ARMH1: variants seen among roughly 807,000 people sequenced by gnomAD.
The protein encoded by ARMH1 is armadillo-like helical domain containing protein 1.
A neutral mutation model predicts 50.2 loss-of-function variants in ARMH1; 34 were observed. The ratio of observed to expected loss-of-function variants is 0.68; its 90% CI spans 0.51 to 0.90. The LOEUF is 0.90. Ranked by LOEUF, ARMH1 falls within the 40% of genes least tolerant of loss-of-function variation. The probability of loss-of-function intolerance (pLI) is 0.00; values close to 1 mark genes in which losing one functional copy is unlikely to be tolerated. For missense variants in ARMH1, 538 were observed against 553.9 expected (o/e 0.97, Z 0.29); for synonymous variants, 221 against 224.2 (o/e 0.99, Z 0.13).
intron 6 of ARMH1, among the ~76,000 whole-genome samples, chr1:44,715,072 T>C (rs1239219567): frequency 6.6e-6 from 1 of 152,088 alleles, no homozygotes; most frequent in Non-Finnish European, 1.5e-5. Context: ...CAGTGCAACA[T>C]GCTAAACACG....
chr1:44,710,608 CAAAAAAAA>C (rs56731047), intron 6 of ARMH1, among the ~76,000 whole-genome samples: 2 of 92,898 alleles, frequency 2.2e-5, no homozygotes, highest in Admixed American at 1.2e-4. Context: ...GACTCCGTCT[CAAAAAAAA>C]AAAAAAAAAA....
At chr1:44,712,007 C>T (rs546184990) in intron 6 of ARMH1, among the ~76,000 whole-genome samples, 1 of 152,338 alleles carries the variant, frequency 6.6e-6, no homozygotes, top group African/African-American at 2.4e-5. Context: ...AGTCTGCCTC[C>T]TGCGCCCATC....
intron 1 of ARMH1, among the ~76,000 whole-genome samples, chr1:44,680,532 C>T (rs1163491718): frequency 1.3e-5 from 2 of 152,146 alleles, no homozygotes; most frequent in Admixed American, 6.5e-5. Context: ...ATCCAGTAGG[C>T]CACAGTGAGC....
At chr1:44,678,284 G>C (rs1388857663) in intron 1 of ARMH1, among the ~76,000 whole-genome samples, 2 of 152,018 alleles carry the variant, frequency 1.3e-5, no homozygotes, top group African/African-American at 4.8e-5. Flanking sequence ...GAAGAGTGGG[G>C]GCTGTGGGTA....
At chr1:44,677,310 C>T (rs1185349118) in intron 1 of ARMH1, among the ~76,000 whole-genome samples, 4 of 152,138 alleles carry the variant, frequency 2.6e-5, no homozygotes, top group Non-Finnish European at 5.9e-5. Flanking sequence ...ATGCATTTTT[C>T]CCTCAACAAC....
At chr1:44,694,650 C>T (rs1385182139) in intron 2 of ARMH1, among the ~76,000 whole-genome samples, 1 of 151,772 alleles carries the variant, frequency 6.6e-6, no homozygotes, top group African/African-American at 2.4e-5. Context: ...GCTGGGATTA[C>T]AGGCATGCAC....
At chr1:44,699,806 A>G (rs1488253451) in intron 4 of ARMH1, among the ~76,000 whole-genome samples, 1 of 147,908 alleles carries the variant, frequency 6.8e-6, no homozygotes. Context: ...CATCCCCCAC[A>G]TCTCCCTTTT....
chr1:44,721,436 G>A (rs958432063), intron 6 of ARMH1, among the ~76,000 whole-genome samples: 6 of 151,816 alleles, frequency 4.0e-5, no homozygotes, highest in African/African-American at 1.2e-4. Flanking sequence ...CTATAAATTG[G>A]AACTAGCACA....
chr1:44,698,278 A>G, intron 4 of ARMH1, 49 bp downstream of exon 4: 1 of 1,475,414 alleles, frequency 6.8e-7, no homozygotes, highest in South Asian at 1.4e-5. Flanking sequence ...CCTGAATGAC[A>G]TGGTGGCAGA....
intron 2 of ARMH1, among the ~76,000 whole-genome samples, chr1:44,695,777 CA>C (rs1286242035): frequency 1.3e-5 from 2 of 151,620 alleles, no homozygotes. Context: ...CCTGTCTCTA[CA>C]AAAAATACAG....
intron 6 of ARMH1, chr1:44,721,890 G>GT (rs1276179070): frequency 6.6e-6 from 1 of 152,050 alleles, no homozygotes; most frequent in African/African-American, 2.4e-5. Context: ...GTTATGAAGA[G>GT]AAACCAGAGA....
At chr1:44,689,522 C>T (rs535968973) in intron 1 of ARMH1, among the ~76,000 whole-genome samples, 154 bp from the exon 2 acceptor site, 1 of 152,286 alleles carries the variant, frequency 6.6e-6, no homozygotes, top group South Asian at 2.1e-4. Flanking sequence ...CCTGTTCAAG[C>T]AGCAGGTGAC....
chr1:44,677,444 T>G (rs1189384640), intron 1 of ARMH1, among the ~76,000 whole-genome samples: 1 of 152,138 alleles, frequency 6.6e-6, no homozygotes, highest in South Asian at 2.1e-4. Context: ...AAACAGTGAT[T>G]GAAATGAAGG....
chr1:44,687,866 A>G (rs888804809), intron 1 of ARMH1, among the ~76,000 whole-genome samples: 1 of 152,204 alleles, frequency 6.6e-6, no homozygotes, highest in African/African-American at 2.4e-5. Context: ...GAGGAGCCGT[A>G]ATGTGCCCTG....
At position 44,724,455 on chromosome 1, in the gene ARMH1, C is replaced by G; in HGVS notation, c.920+63C>G. 6.5e-7 allele frequency: 1 copy of G among 1,527,678 alleles called. No individual in the cohort carries two copies. Among genetic ancestry groups the G allele is most frequent in the Non-Finnish European group, 8.8e-7 (1 of 1,138,642 alleles). 94.6% of individuals were successfully genotyped at this position (1,527,678 alleles called of 1,614,324 possible). A position where few individuals can be genotyped will look rare whatever the true frequency, so the allele number is the denominator to read the frequency against. On this transcript the variant is annotated intron_variant, in intron 8 of 11. Transcript: ENST00000535358. The surrounding 1 kb of genome is among the most constrained non-coding windows in gnomAD (Gnocchi z 6.4). ...CTGGCTTGGCGCTGCCGGCGGGCCCCGGGAGCGCTCCGTGCGCCGGGTGGG... is the reference window on the plus strand; with the variant it reads ...CTGGCTTGGCGCTGCCGGCGGGCCCGGGGAGCGCTCCGTGCGCCGGGTGGG...
At chr1:44,721,692 C>G (rs890157668) in intron 6 of ARMH1, 14 of 152,062 alleles carry the variant, frequency 9.2e-5, no homozygotes, top group African/African-American at 2.9e-4. Context: ...CCACACCACT[C>G]CGCTACAACC....
chr1:44,724,461 C>T lies in ARMH1; in HGVS notation c.920+69C>T. 1 of 1,521,804 alleles carries T rather than the reference C, an allele frequency of 6.6e-7. No homozygotes were observed. The highest frequency in any genetic ancestry group is 1.2e-5 in the South Asian group (1 of 80,968). 94.3% of individuals were successfully genotyped at this position (1,521,804 alleles called of 1,614,324 possible). ...TGGCGCTGCCGGCGGGCCCCGGGAG[C>T]GCTCCGTGCGCCGGGTGGGCGGGGG... On this transcript the variant is annotated intron_variant, in intron 8 of 11. Transcript: ENST00000535358. The surrounding 1 kb of genome is among the most constrained non-coding windows in gnomAD (Gnocchi z 6.4).
rs984040945 is a variant in ARMH1 at position 44,702,378 on chromosome 1, C to T, written c.639+1259C>T. Among the ~76,000 whole-genome samples the T allele has an allele frequency of 4.6e-5, 7 of 152,158 alleles. No individual in the cohort carries two copies. In the South Asian group the frequency reaches 1.2e-3, roughly 27 times the overall value. On this transcript the variant is annotated intron_variant, in intron 5 of 11. Transcript: ENST00000535358. ...GAGAATTTAAATCCACCCTCTCCTA[C>T]GTCCTTATTCTTTCCACATACCACT...
In ARMH1 at chr1:44,724,845, T is replaced by G; in HGVS notation, c.1128+6T>G. 6.5e-7 allele frequency: 1 copy of G among 1,532,314 alleles called. No homozygotes were observed. The highest frequency in any genetic ancestry group is 8.8e-7 in the Non-Finnish European group (1 of 1,142,616). The allele number at this position is 1,532,314 out of a possible 1,614,324, so 94.9% of individuals were successfully genotyped here. On this transcript the variant is annotated splice_donor_region_variant and intron_variant, in intron 10 of 11. Coordinates refer to ENST00000535358, the MANE Select transcript of ARMH1 (RefSeq NM_001145636.2). The surrounding 1 kb of genome is among the most constrained non-coding windows in gnomAD (Gnocchi z 6.4). ...AACTCTACCAGCTCTTCCTGGTAAG[T>G]GCGCCCTTCCTGCCCCGCCGCAATG... is the stretch of plus-strand genomic sequence containing the variant.
Sources: allele counts gnomAD v4.1 joint callset (sites outside exome capture counted in the v4.1 genomes callset), GRCh38; gene constraint gnomAD v4.1.1; non-coding constraint Gnocchi (gnomAD v3.1); transcripts MANE v1.5; gene names NCBI Gene and HGNC (gene_info 2026-07-23, HGNC 2026-07-21).